ECPAS: variants seen among roughly 807,000 people sequenced by gnomAD.
The protein encoded by ECPAS is Ecm29 proteasome adaptor and scaffold.
A neutral mutation model predicts 255.1 loss-of-function variants in ECPAS; 70 were observed. The observed-to-expected ratio is 0.27, with a 90% CI of 0.23 to 0.33. The LOEUF (loss-of-function observed/expected upper bound fraction) is 0.33. ECPAS is among the 10% of genes least tolerant of loss of function. The pLI is 1.00. For missense variants in ECPAS, 1,817 were observed against 2,206.4 expected (o/e 0.82, Z 3.54); for synonymous variants, 784 against 775.0 (o/e 1.01, Z -0.19).
At chr9:111,380,088 G>A (rs2098138696) in intron 35 of ECPAS, among the ~76,000 whole-genome samples, 1 of 152,212 alleles carries the variant, frequency 6.6e-6, no homozygotes, top group East Asian at 1.9e-4. Flanking sequence ...ATCCATCAAA[G>A]GAATCACTAT....
intron 15 of ECPAS, 53 bp downstream of exon 15, chr9:111,421,868 C>A: frequency 6.3e-7 from 1 of 1,577,180 alleles, no homozygotes; most frequent in South Asian, 1.2e-5. Context: ...AAATTTTGTT[C>A]TTAAAAATGT....
In ECPAS at chr9:111,370,428, G is replaced by GT. The variant is rs745972939; in HGVS notation, c.4974+6dup. On this transcript the variant is annotated splice_region_variant and intron_variant, in intron 45 of 49. Coordinates refer to ENST00000684092, the MANE Select transcript of ECPAS (RefSeq NM_001364929.1). ...TAAACCAGAACTGAGGATACAGGTG[G>GT]TATTACCTTCTTGATGAGAGGTATG... 2 of 1,557,028 alleles carry GT rather than the reference G, an allele frequency of 1.3e-6. No individual in the cohort carries two copies. Among genetic ancestry groups the GT allele is most frequent in the Non-Finnish European group, 1.7e-6 (2 of 1,145,254 alleles).
chr9:111,393,647 A>G (rs2098163489), intron 27 of ECPAS, 33 bp downstream of exon 27: 6 of 1,368,548 alleles, frequency 4.4e-6, no homozygotes, highest in African/African-American at 1.4e-5. Flanking sequence ...TACAAGTTCA[A>G]TTAAGTTTAG....
chr9:111,402,290 C>A (rs2098177357), intron 24 of ECPAS, among the ~76,000 whole-genome samples: 1 of 152,182 alleles, frequency 6.6e-6, no homozygotes, highest in Non-Finnish European at 1.5e-5. Flanking sequence ...TGAAGACTTT[C>A]CTGGGTAAAC....
chr9:111,383,814 C>T (rs1311768124), intron 34 of ECPAS, among the ~76,000 whole-genome samples: 1 of 151,966 alleles, frequency 6.6e-6, no homozygotes, highest in East Asian at 1.9e-4. Flanking sequence ...CCCAGCTCTC[C>T]AGGAGGCTGA....
intron 2 of ECPAS, among the ~76,000 whole-genome samples, chr9:111,460,130 A>T (rs1368317267): frequency 1.3e-5 from 2 of 152,230 alleles, no homozygotes; most frequent in Non-Finnish European, 2.9e-5. Flanking sequence ...ATCATACAAA[A>T]ATTGGATTTA....
intron 2 of ECPAS, among the ~76,000 whole-genome samples, chr9:111,460,444 T>C (rs960217166): frequency 1.3e-5 from 2 of 152,190 alleles, no homozygotes; most frequent in African/African-American, 2.4e-5. Flanking sequence ...ATGTTCACTA[T>C]TACCAATTCT....
chr9:111,418,079 C>T, intron 16 of ECPAS, 73 bp from the exon 17 acceptor site: 3 of 1,378,814 alleles, frequency 2.2e-6, no homozygotes, highest in Non-Finnish European at 2.9e-6. Flanking sequence ...AGAATAAGAA[C>T]AGCAATTTTA....
rs545938765 is a variant in ECPAS at position 111,414,489 on chromosome 9, C to G, written c.1927G>C (p.Glu643Gln). 1 of 1,614,028 alleles carries G rather than the reference C, an allele frequency of 6.2e-7. No individual in the cohort carries two copies. The highest frequency in any genetic ancestry group is 1.1e-5 in the South Asian group (1 of 91,086). The change falls in exon 19 of 50, where the codon GAG (glutamate) becomes CAG (glutamine). Residue 643 changes from glutamate (E) to glutamine (Q), a missense_variant. Physicochemically the swap from Glu to Gln is conservative, Grantham distance 29 (BLOSUM62 2). This residue lies in a region of ECPAS where 573 missense variants were observed against 716.2 expected (regional missense o/e 0.80). Transcript: ENST00000684092. The part of the protein sequence containing the change: ...MAPSSSNKSG[E>Q]TNPVQIYIGL... Reference sequence around the variant, plus strand: ...ATGTAGATCTGGACAGGGTTAGTCTCCCCACTCTTGTTAGATGATGAGGGT... The same window carrying G: ...ATGTAGATCTGGACAGGGTTAGTCTGCCCACTCTTGTTAGATGATGAGGGT...
chr9:111,416,704 T>C (rs952149263), intron 17 of ECPAS, among the ~76,000 whole-genome samples: 2 of 152,198 alleles, frequency 1.3e-5, no homozygotes, highest in South Asian at 4.1e-4. Context: ...ACAAATAGAC[T>C]GTGCTGCTAT....
chr9:111,410,916 C>T, intron 22 of ECPAS, 64 bp downstream of exon 22: 1 of 1,458,192 alleles, frequency 6.9e-7, no homozygotes, highest in Non-Finnish European at 9.4e-7. Flanking sequence ...ACTGAAACGC[C>T]ATATTAAAAT....
At chr9:111,427,101 G>C (rs190022458) in intron 10 of ECPAS, among the ~76,000 whole-genome samples, 18 of 151,294 alleles carry the variant, frequency 1.2e-4, no homozygotes, top group Admixed American at 1.1e-3. Context: ...TAGAGGCTGA[G>C]TGAGACAAGA....
chr9:111,425,738 C>A lies in ECPAS; in HGVS notation c.1136+5G>T. 6.6e-7 allele frequency: 1 copy of A among 1,506,836 alleles called. No homozygotes were observed. The allele number at this position is 1,506,836 out of a possible 1,614,324, so 93.3% of individuals were successfully genotyped here. On this transcript the variant is annotated splice_donor_5th_base_variant and intron_variant, in intron 11 of 49. Transcript: ENST00000684092. ...ACTTTATAGTTAAAATAGTTAAAGA[C>A]TTACGTTATACAAATATGATGCACA...
chr9:111,457,236 G>A (rs1402486199), intron 2 of ECPAS, among the ~76,000 whole-genome samples: 1 of 152,188 alleles, frequency 6.6e-6, no homozygotes, highest in Non-Finnish European at 1.5e-5. Flanking sequence ...AAAAGGATGT[G>A]AGGAATACAG....
At chr9:111,409,869 A>AT (rs2098191226) in intron 23 of ECPAS, among the ~76,000 whole-genome samples, 172 bp downstream of exon 23, 1 of 152,244 alleles carries the variant, frequency 6.6e-6, no homozygotes. Context: ...TTGTACACAG[A>AT]TAACCTCTAG....
intron 1 of ECPAS, among the ~76,000 whole-genome samples, chr9:111,474,374 A>G (rs1317614107): frequency 2.0e-5 from 3 of 152,194 alleles, no homozygotes; most frequent in African/African-American, 7.2e-5. Context: ...CTCGTCAGCC[A>G]ACAATTTCTC....
chr9:111,456,455 C>T (rs2098267090), intron 2 of ECPAS, among the ~76,000 whole-genome samples: 2 of 152,276 alleles, frequency 1.3e-5, no homozygotes, highest in Non-Finnish European at 2.9e-5. Context: ...AAGAATGACC[C>T]TATTTTCTAT....
Position 111,397,845 on chromosome 9 carries a change from C to A in ECPAS, c.2653-692G>T, listed in dbSNP as rs967024533. 3.9e-5 allele frequency among the ~76,000 whole-genome samples: 6 copies of A among 152,142 alleles called. No individual in the cohort carries two copies. The South Asian group carries it at 1.2e-3, about 31-fold the overall frequency. On this transcript the variant is annotated intron_variant, in intron 24 of 49. Transcript: ENST00000684092. ...TCTGGATAAAGGGCACACAGGAGTT[C>A]TTTACACTATTCTTACAGCTTCACT...
chr9:111,421,252 A>T (rs750965509), intron 15 of ECPAS, among the ~76,000 whole-genome samples: 4 of 152,162 alleles, frequency 2.6e-5, no homozygotes, highest in Non-Finnish European at 5.9e-5. Context: ...ATTCCCTCAA[A>T]ATATTAAATC....
Sources: allele counts gnomAD v4.1 joint callset (sites outside exome capture counted in the v4.1 genomes callset), GRCh38; gene constraint gnomAD v4.1.1; regional missense constraint gnomAD v4.1.1; transcripts MANE v1.5; gene names NCBI Gene and HGNC (gene_info 2026-07-23, HGNC 2026-07-21).